SPIDR: variants seen among roughly 807,000 people sequenced by gnomAD.
SPIDR encodes the protein scaffold protein involved in DNA repair.
In SPIDR, 93 loss-of-function variants were observed where a neutral mutation model predicts 104.6. The observed-to-expected ratio is 0.89, with a 90% CI of 0.75 to 1.06. SPIDR has a LOEUF of 1.06. Ranked by LOEUF, SPIDR falls within the 50% of genes least tolerant of loss-of-function variation. The pLI, the probability that SPIDR is intolerant of heterozygous loss-of-function variation, is 0.00. For missense variants in SPIDR, 1,154 were observed against 1,111.2 expected (o/e 1.04, Z -0.55); for synonymous variants, 431 against 416.9 (o/e 1.03, Z -0.41).
rs2154495625 is a variant in SPIDR, at chr8:47,735,652, T to TTTA, written c.*205_*207dup. ...AAATACCTTTTTCTACAGTTTATCT[T>TTTA]TTATTTTCTGCAAATTTAGGAACAT... On this transcript the variant is annotated 3_prime_UTR_variant, in exon 20 of 20. Coordinates refer to ENST00000297423, the MANE Select transcript of SPIDR (RefSeq NM_001080394.4). 9.1e-7 allele frequency: 1 copy of TTTA among 1,104,324 alleles called. No homozygotes were observed. The highest frequency in any genetic ancestry group is 3.1e-5 in the Admixed American group (1 of 32,006). 68.4% of individuals were successfully genotyped at this position (1,104,324 alleles called of 1,614,324 possible).
intron 8 of SPIDR, among the ~76,000 whole-genome samples, chr8:47,590,739 A>C (rs1190798136): frequency 1.3e-5 from 2 of 152,108 alleles, no homozygotes; most frequent in Non-Finnish European, 2.9e-5. Context: ...ATGTTGAGGG[A>C]GAGATGTTGA....
At chr8:47,597,021 T>C (rs1287012732) in intron 9 of SPIDR, among the ~76,000 whole-genome samples, 1 of 152,172 alleles carries the variant, frequency 6.6e-6, no homozygotes, top group South Asian at 2.1e-4. Context: ...AACAATGCCT[T>C]CTTCTGGATA....
At chr8:47,732,461 T>C (rs1240250447) in intron 19 of SPIDR, 1 of 473,508 alleles carries the variant, frequency 2.1e-6, no homozygotes, top group Non-Finnish European at 3.8e-6. Flanking sequence ...GCAGCAGCCT[T>C]AGTATCACCT....
intron 10 of SPIDR, among the ~76,000 whole-genome samples, chr8:47,614,532 C>T (rs1289130913): frequency 6.6e-6 from 1 of 152,118 alleles, no homozygotes; most frequent in African/African-American, 2.4e-5. Context: ...GATCTTGTTC[C>T]TTTTATGGCT....
At chr8:47,588,026 CATATATATATATATATATATATATATAT>C (rs71548440) in intron 8 of SPIDR, among the ~76,000 whole-genome samples, 256 of 23,424 alleles carry the variant, frequency 0.011, 5 homozygotes, top group South Asian at 0.024. Flanking sequence ...TTAAAATTAG[CATATATATATATATATATATATATATAT>C]ATATATATAT....
chr8:47,665,687 T>C (rs990043980), intron 10 of SPIDR, among the ~76,000 whole-genome samples: 5 of 152,242 alleles, frequency 3.3e-5, no homozygotes, highest in African/African-American at 4.8e-5. Context: ...ATACTGCTGA[T>C]ACACAAGGTG....
At chr8:47,671,085 T>G (rs2075726631) in intron 10 of SPIDR, among the ~76,000 whole-genome samples, 1 of 152,074 alleles carries the variant, frequency 6.6e-6, no homozygotes, top group Non-Finnish European at 1.5e-5. Context: ...AATTTTTTTA[T>G]TTATTGTAGA....
intron 8 of SPIDR, among the ~76,000 whole-genome samples, chr8:47,483,095 G>A (rs1554728361): frequency 6.6e-6 from 1 of 152,008 alleles, no homozygotes; most frequent in Non-Finnish European, 1.5e-5. Context: ...TAGAGACCGT[G>A]CTCTTTCCCA....
At chr8:47,390,810 G>A (rs1357967239) in intron 5 of SPIDR, among the ~76,000 whole-genome samples, 3 of 152,164 alleles carry the variant, frequency 2.0e-5, no homozygotes, top group African/African-American at 2.4e-5. Context: ...AAGTAACAAA[G>A]TAATTAAACA....
intron 8 of SPIDR, among the ~76,000 whole-genome samples, chr8:47,563,276 C>G (rs1419840553): frequency 1.3e-5 from 2 of 152,044 alleles, no homozygotes; most frequent in East Asian, 3.9e-4. Context: ...CTCAAGCGAT[C>G]CTCCTGCCTC....
intron 7 of SPIDR, among the ~76,000 whole-genome samples, chr8:47,415,028 C>T (rs1474678618): frequency 7.2e-5 from 11 of 152,022 alleles, no homozygotes; most frequent in South Asian, 6.2e-4. Context: ...CTCAGCCTCC[C>T]GAGTAGCTGG....
chr8:47,601,781 C>A (rs934862253), intron 10 of SPIDR, among the ~76,000 whole-genome samples: 1 of 152,150 alleles, frequency 6.6e-6, no homozygotes, highest in Admixed American at 6.5e-5. Flanking sequence ...AGCAGAAGTG[C>A]AAGTGTTTTG....
chr8:47,296,588 T>G (rs1282583250), intron 5 of SPIDR, among the ~76,000 whole-genome samples: 1 of 152,220 alleles, frequency 6.6e-6, no homozygotes, highest in African/African-American at 2.4e-5. Context: ...GTGGGTTTAC[T>G]TCTGGGCTCT....
chr8:47,488,214 C>A (rs993449145), intron 8 of SPIDR, among the ~76,000 whole-genome samples: 4 of 152,274 alleles, frequency 2.6e-5, no homozygotes, highest in Non-Finnish European at 5.9e-5. Context: ...TCAGAGAATA[C>A]TATAAACACC....
At position 47,712,774 on chromosome 8, in the gene SPIDR, ATGTGGCCCCCT is replaced by A. The variant is rs769229491; in HGVS notation, c.2095_2105del (p.Ala699CysfsTer5). 6.2e-7 allele frequency: 1 copy of A among 1,614,134 alleles called. No homozygotes were observed. Among genetic ancestry groups the A allele is most frequent in the East Asian group, 2.2e-5 (1 of 44,874 alleles). On this transcript the variant is annotated frameshift_variant, in exon 15 of 20. Coordinates refer to ENST00000297423, the MANE Select transcript of SPIDR (RefSeq NM_001080394.4). LOFTEE classifies it high-confidence loss of function. The stretch of plus-strand genomic sequence containing the variant: ...AGGCTCCCCAAAACCCTGCTGGTCT[ATGTGGCCCCCT>A]TGTGTGTGCTGGGCTCTGAAGTCCT...
At chr8:47,484,616 C>T (rs782065851) in intron 8 of SPIDR, among the ~76,000 whole-genome samples, 4 of 152,142 alleles carry the variant, frequency 2.6e-5, no homozygotes, top group Admixed American at 1.3e-4. Context: ...GAGATGGTCT[C>T]GTAGTTCTGG....
intron 5 of SPIDR, among the ~76,000 whole-genome samples, chr8:47,369,633 T>G (rs1395567316): frequency 1.3e-5 from 2 of 152,222 alleles, no homozygotes; most frequent in African/African-American, 4.8e-5. Flanking sequence ...AAGTCACAAG[T>G]TGATTGTCCC....
intron 7 of SPIDR, among the ~76,000 whole-genome samples, chr8:47,410,807 C>T (rs182966044): frequency 3.4e-4 from 51 of 152,236 alleles, no homozygotes; most frequent in Non-Finnish European, 6.8e-4. Flanking sequence ...TATCCCTCCC[C>T]GCTCCCCCAA....
intron 10 of SPIDR, among the ~76,000 whole-genome samples, chr8:47,627,193 A>T (rs1482590149): frequency 6.6e-6 from 1 of 152,154 alleles, no homozygotes; most frequent in African/African-American, 2.4e-5. Flanking sequence ...AACAATGAGA[A>T]TACATGGACA....
Sources: gnomAD v4.1 joint callset for allele counts (sites outside exome capture counted in the v4.1 genomes callset) on GRCh38, gnomAD v4.1.1 for gene constraint, MANE v1.5 for transcripts, NCBI Gene and HGNC (gene_info 2026-07-23, HGNC 2026-07-21) for gene names.